The following NSD1 variants were observed in gnomAD, a reference collection of about 807,000 sequenced individuals.
The protein encoded by NSD1 is nuclear receptor binding SET domain protein 1.
In NSD1, 26 loss-of-function variants were observed where a neutral mutation model predicts 242.7. The observed-to-expected ratio is 0.11, with a 90% CI of 0.08 to 0.15. The LOEUF is 0.15. Ranked by LOEUF, NSD1 falls within the 10% of genes least tolerant of loss-of-function variation. NSD1 has a pLI of 1.00. For synonymous variants in NSD1, 1,106 were observed against 1,178.1 expected, an observed-to-expected ratio of 0.94 and a Z score of 1.25; for missense variants, 2,495 against 3,272.8, an observed-to-expected ratio of 0.76 and a Z score of 5.80.
chr5:177,149,251 T>C (rs1177837837), intron 2 of NSD1, among the ~76,000 whole-genome samples: 1 of 151,532 alleles, frequency 6.6e-6, no homozygotes, highest in Non-Finnish European at 1.5e-5. Context: ...GGAATGTTGC[T>C]CTTGTTGCCC....
At chr5:177,190,102 A>AT (rs1761544354) in intron 2 of NSD1, among the ~76,000 whole-genome samples, 1 of 151,966 alleles carries the variant, frequency 6.6e-6, no homozygotes, top group South Asian at 2.1e-4. Context: ...GAGTACAGGC[A>AT]TGCACCACCA....
chr5:177,264,688 T>C (rs972077610), intron 14 of NSD1: 3 of 542,652 alleles, frequency 5.5e-6, no homozygotes, highest in South Asian at 1.8e-5. Flanking sequence ...CCCACTCTTA[T>C]TTTAAGAGCT....
rs1322447623 is a variant in NSD1 at position 177,294,733 on chromosome 5, G to T, written c.7365G>T (p.Val2455=). ...AGTCAAAAAATAGAGCTGCTTTGGTGATGGATCTCATAGACCTAACTCCTC... is the reference window on the plus strand; with the variant it reads ...AGTCAAAAAATAGAGCTGCTTTGGTTATGGATCTCATAGACCTAACTCCTC... ...NTQSKNRAAL[V]MDLIDLTPRQ... Residue 2455 remains valine, a synonymous_variant, in exon 23 of 23, where the codon GTG becomes GTT. Coordinates refer to ENST00000439151, the MANE Select transcript of NSD1 (RefSeq NM_022455.5). 6.2e-7 allele frequency: 1 copy of T among 1,614,120 alleles called. No individual in the cohort carries two copies. The highest frequency in any genetic ancestry group is 1.3e-5 in the African/African-American group (1 of 74,950).
chr5:177,265,720 G>A, intron 14 of NSD1: 1 of 1,598,090 alleles, frequency 6.3e-7, no homozygotes, highest in Non-Finnish European at 8.6e-7. Flanking sequence ...AGGTCAGGTA[G>A]TCCTCCATGT....
In NSD1 at chr5:177,269,094, A is replaced by G. The variant is rs1041674593; in HGVS notation, c.5304-508A>G. 1.3e-5 allele frequency among the ~76,000 whole-genome samples: 2 copies of G among 152,150 alleles called. No individual in the cohort carries two copies. Among genetic ancestry groups the G allele is most frequent in the Admixed American group, 1.3e-4 (2 of 15,274 alleles). ...CAAATTGTCTCCCTAAAGTGGCTGT[A>G]TAGTAATTTACATTCTTTGATTTTG... On this transcript the variant is annotated intron_variant, in intron 15 of 22. Coordinates refer to ENST00000439151, the MANE Select transcript of NSD1 (RefSeq NM_022455.5). The surrounding 1 kb of genome is among the most constrained non-coding windows in gnomAD (Gnocchi z 5.1).
At chr5:177,138,645 A>AT (rs1291002811) in intron 2 of NSD1, among the ~76,000 whole-genome samples, 2,237 of 139,296 alleles carry the variant, frequency 0.016, 121 homozygotes, top group Admixed American at 0.11. Context: ...AACTGAAGAC[A>AT]TTTTTTTTTT....
rs1483620504 is a variant in NSD1 at position 177,273,730 on chromosome 5, G to A, written c.5568G>A (p.Gln1856=). 1 of 1,613,932 alleles carries A rather than the reference G, an allele frequency of 6.2e-7. No individual in the cohort carries two copies. Residue 1856 remains glutamine (Q), a synonymous_variant, in exon 17 of 23, where the codon CAG becomes CAA. Transcript: ENST00000439151. ...TAAAGGCCCAAAAAGAGCTAAGACA[G>A]CTGCAGGAAGACCGAAAGAATGACA... ...EELKAQKELR[Q]LQEDRKNDKK...
chr5:177,236,092 T>G, intron 6 of NSD1, 147 bp downstream of exon 6: 1 of 798,034 alleles, frequency 1.3e-6, no homozygotes, highest in Non-Finnish European at 2.0e-6. Flanking sequence ...GTACTTAGGA[T>G]TTAGTGGTTA....
intron 2 of NSD1, among the ~76,000 whole-genome samples, chr5:177,190,976 T>TTC (rs1290275002): frequency 7.5e-6 from 1 of 132,788 alleles, no homozygotes; most frequent in African/African-American, 3.3e-5. Flanking sequence ...CTTTTTTTTT[T>TTC]TTTTCTTTTT....
chr5:177,282,667 A>G (rs1357036814), intron 19 of NSD1, 86 bp downstream of exon 19: 1 of 1,024,564 alleles, frequency 9.8e-7, no homozygotes, highest in East Asian at 2.4e-5. Flanking sequence ...CATGTAACGC[A>G]GTTCCCAAGG....
At chr5:177,228,016 C>T (rs1429729864) in intron 5 of NSD1, among the ~76,000 whole-genome samples, 1 of 147,778 alleles carries the variant, frequency 6.8e-6, no homozygotes, top group Non-Finnish European at 1.5e-5. Context: ...TGTAGATTTT[C>T]TCAGGCTGCA....
intron 2 of NSD1, among the ~76,000 whole-genome samples, chr5:177,188,750 T>C (rs1226330318): frequency 6.6e-6 from 1 of 152,146 alleles, no homozygotes; most frequent in Admixed American, 6.6e-5. Context: ...CAGCCTCGCC[T>C]CCTTATGCAC....
intron 14 of NSD1, among the ~76,000 whole-genome samples, 182 bp from the exon 15 acceptor site, chr5:177,267,380 T>G (rs187702237): frequency 2.0e-5 from 3 of 152,340 alleles, no homozygotes; most frequent in Admixed American, 2.0e-4. Context: ...AACCTGAACC[T>G]GACGAGAGTT....
chr5:177,290,050 G>A (rs1029013902), intron 21 of NSD1, among the ~76,000 whole-genome samples: 3 of 151,410 alleles, frequency 2.0e-5, no homozygotes, highest in Non-Finnish European at 4.4e-5. Flanking sequence ...GGTTGGTCTC[G>A]ATCTCCTGAC....
At chr5:177,209,500 G>A in intron 4 of NSD1, 136 bp from the exon 5 acceptor site, 1 of 672,760 alleles carries the variant, frequency 1.5e-6, no homozygotes, top group Non-Finnish European at 2.5e-6. Flanking sequence ...CTGCACTCCA[G>A]CCTGGGCGAC....
At chr5:177,174,239 A>T (rs954113739) in intron 2 of NSD1, among the ~76,000 whole-genome samples, 1 of 152,074 alleles carries the variant, frequency 6.6e-6, no homozygotes, top group Non-Finnish European at 1.5e-5. Flanking sequence ...GTGGTGCCCC[A>T]GCTACTTGGG....
In NSD1 at chr5:177,244,596, C is replaced by A. The variant is rs921622529; in HGVS notation, c.4378+326C>A. On this transcript the variant is annotated intron_variant, in intron 9 of 22. Transcript: ENST00000439151. ...TCAGGGAACTAAATCCACACCTGAC[C>A]AATTTCATGGTCATACTCCTGTCTT... Among the ~76,000 whole-genome samples the A allele has an allele frequency of 5.9e-5, 9 of 152,120 alleles. No individual in the cohort carries two copies. In the East Asian group the frequency reaches 9.6e-4, roughly 16 times the overall value.
intron 8 of NSD1, 103 bp from the exon 9 acceptor site, chr5:177,244,092 A>C: frequency 1.2e-6 from 1 of 860,490 alleles, no homozygotes; most frequent in Non-Finnish European, 1.9e-6. Flanking sequence ...AACAAGTCAA[A>C]ATTCAATATC....
At chr5:177,259,531 A>G (rs1485967436) in intron 13 of NSD1, among the ~76,000 whole-genome samples, 1 of 152,182 alleles carries the variant, frequency 6.6e-6, no homozygotes, top group Non-Finnish European at 1.5e-5. Context: ...GTTATTACAG[A>G]TTGCATTAGA....
Sources: gnomAD v4.1 joint callset for allele counts (sites outside exome capture counted in the v4.1 genomes callset) on GRCh38, gnomAD v4.1.1 for gene constraint, Gnocchi (gnomAD v3.1) non-coding constraint, MANE v1.5 for transcripts, NCBI Gene and HGNC (gene_info 2026-07-23, HGNC 2026-07-21) for gene names.